ZC3H12D: variants seen among roughly 807,000 people sequenced by gnomAD.
ZC3H12D encodes the protein probable ribonuclease ZC3H12D.
A neutral mutation model predicts 24.2 loss-of-function variants in ZC3H12D; 11 were observed. The observed-to-expected ratio is 0.46, with a 90% CI of 0.29 to 0.75. ZC3H12D has a LOEUF of 0.75. ZC3H12D is among the 30% of genes least tolerant of loss of function. The pLI is 0.11. For synonymous variants in ZC3H12D, 333 were observed against 341.8 expected (o/e 0.97, Z 0.28); for missense variants, 740 against 767.7 (o/e 0.96, Z 0.43).
chr6:149,449,746 T>C lies in ZC3H12D; in HGVS notation c.*937A>G, dbSNP rs1775852592. ...GAGCCACCATGCCGGGCCGAGACTCTGTCTGTTTAAAAAAAGAAGAAGAAG... is the reference window on the plus strand; with the variant it reads ...GAGCCACCATGCCGGGCCGAGACTCCGTCTGTTTAAAAAAAGAAGAAGAAG... On this transcript the variant is annotated 3_prime_UTR_variant, in exon 6 of 6. Coordinates refer to ENST00000409806, the MANE Select transcript of ZC3H12D (RefSeq NM_207360.3). 1 of 152,130 alleles carries C rather than the reference T, an allele frequency of 6.6e-6. No individual in the cohort carries two copies. Among genetic ancestry groups the C allele is most frequent in the Non-Finnish European group, 1.5e-5 (1 of 68,052 alleles). The allele number at this position is 152,130 out of a possible 1,614,324, so 9.4% of individuals were successfully genotyped here. A position where few individuals can be genotyped will look rare whatever the true frequency, so the allele number is the denominator to read the frequency against.
chr6:149,479,294 G>C (rs1776387652), intron 1 of ZC3H12D, among the ~76,000 whole-genome samples: 1 of 152,232 alleles, frequency 6.6e-6, no homozygotes, highest in Non-Finnish European at 1.5e-5. Context: ...CCAGGAGGTT[G>C]AGGCTGCAGT....
intron 4 of ZC3H12D, among the ~76,000 whole-genome samples, chr6:149,454,976 A>G (rs1775956480): frequency 6.6e-6 from 1 of 152,224 alleles, no homozygotes; most frequent in Admixed American, 6.5e-5. Flanking sequence ...ATGTCCTGGG[A>G]ATAGCTGCTA....
rs1775906555 is a variant in ZC3H12D at position 149,452,013 on chromosome 6, C to G, written c.788-534G>C. On this transcript the variant is annotated intron_variant, in intron 5 of 5. Transcript: ENST00000409806. This position sits in a 1 kb window ranked among gnomAD's most constrained non-coding sequence, Gnocchi z 4.0. ...TGAACAAATGGTCAAGTGTTACTAT[C>G]CAAACCCAAGGCTTCTGAGAGTGAA... The G allele has an allele frequency of 6.5e-6, 1 of 153,194 alleles. No homozygotes were observed. Among genetic ancestry groups the G allele is most frequent in the South Asian group, 2.1e-4 (1 of 4,856 alleles). The allele number at this position is 153,194 out of a possible 1,614,324, so 9.5% of individuals were successfully genotyped here. A position where few individuals can be genotyped will look rare whatever the true frequency, so the allele number is the denominator to read the frequency against.
chr6:149,482,216 T>C (rs1004688722), intron 1 of ZC3H12D, among the ~76,000 whole-genome samples: 11 of 152,246 alleles, frequency 7.2e-5, no homozygotes, highest in African/African-American at 2.4e-4. Context: ...GGTTCCTTTT[T>C]AAAACTTCTA....
chr6:149,472,818 T>C lies in ZC3H12D; in HGVS notation c.305+1421A>G, dbSNP rs74830352. Among the ~76,000 whole-genome samples the C allele has an allele frequency of 2.8e-4, 42 of 152,268 alleles. 3 individuals carry two copies. In the East Asian group the frequency reaches 8.1e-3, roughly 29 times the overall value. On this transcript the variant is annotated intron_variant, in intron 2 of 5. Transcript: ENST00000409806. Reference sequence around the variant, plus strand: ...GCTGGGAAGGTCTTTGATTTAAGCATTCAAAGCCTTCCTTCTATGGAAGCC... The same window carrying C: ...GCTGGGAAGGTCTTTGATTTAAGCACTCAAAGCCTTCCTTCTATGGAAGCC...
chr6:149,467,578 A>G (rs2115008711), intron 2 of ZC3H12D, among the ~76,000 whole-genome samples: 1 of 152,294 alleles, frequency 6.6e-6, no homozygotes, highest in South Asian at 2.1e-4. Context: ...TAAGATCTGT[A>G]GAGGGTTCTG....
Position 149,447,633 on chromosome 6 carries a change from T to TA in ZC3H12D, c.*3049dup, listed in dbSNP as rs1303069434. On this transcript the variant is annotated 3_prime_UTR_variant, in exon 6 of 6. Coordinates refer to ENST00000409806, the MANE Select transcript of ZC3H12D (RefSeq NM_207360.3). ...TTGACAATAAAGAATCCAGGTGTGGTAAAAAATGATTTATTTTTGAAGCAT... is the reference window on the plus strand; with the variant it reads ...TTGACAATAAAGAATCCAGGTGTGGTAAAAAAATGATTTATTTTTGAAGCAT... The TA allele has an allele frequency of 3.3e-5, 5 of 152,170 alleles. No individual in the cohort carries two copies. Among genetic ancestry groups the TA allele is most frequent in the African/African-American group, 4.8e-5 (2 of 41,446 alleles). 9.4% of individuals were successfully genotyped at this position (152,170 alleles called of 1,614,324 possible).
At chr6:149,469,445 G>A (rs1009555549) in intron 2 of ZC3H12D, among the ~76,000 whole-genome samples, 8 of 151,786 alleles carry the variant, frequency 5.3e-5, no homozygotes, top group Admixed American at 1.3e-4. Flanking sequence ...GCGACAGAGC[G>A]AGACTCCATC....
intron 4 of ZC3H12D, among the ~76,000 whole-genome samples, chr6:149,455,193 C>G (rs898016690): frequency 6.6e-6 from 1 of 152,208 alleles, no homozygotes. Flanking sequence ...CACTGTGTCC[C>G]TGGGTCCAGA....
intron 1 of ZC3H12D, among the ~76,000 whole-genome samples, chr6:149,475,318 C>T (rs1027623094): frequency 3.3e-5 from 5 of 152,224 alleles, no homozygotes; most frequent in African/African-American, 9.6e-5. Flanking sequence ...TGCCCCCGGG[C>T]GAATTCTACT....
At chr6:149,455,619 C>A (rs1268957985) in intron 4 of ZC3H12D, among the ~76,000 whole-genome samples, 6 of 152,132 alleles carry the variant, frequency 3.9e-5, no homozygotes, top group Non-Finnish European at 8.8e-5. Context: ...CCAGCCATAG[C>A]CGGTTGGTCT....
intron 1 of ZC3H12D, among the ~76,000 whole-genome samples, chr6:149,480,535 C>T (rs62441728): frequency 6.6e-6 from 1 of 152,090 alleles, no homozygotes; most frequent in African/African-American, 2.4e-5. Flanking sequence ...GAAGCCCAAG[C>T]AGACCAGCCT....
Position 149,452,458 on chromosome 6 carries a change from G to C in ZC3H12D, c.787+158C>G, listed in dbSNP as rs1417232070. ...AGGATGTCAGTTCTACAATAACCCT[G>C]TCAGGAAAGTTAACTCTCCAGGTAG... On this transcript the variant is annotated intron_variant, in intron 5 of 5. Transcript: ENST00000409806. This position sits in a 1 kb window ranked among gnomAD's most constrained non-coding sequence, Gnocchi z 4.0. 1 of 558,090 alleles carries C rather than the reference G, an allele frequency of 1.8e-6. No individual in the cohort carries two copies. The highest frequency in any genetic ancestry group is 2.0e-5 in the African/African-American group (1 of 50,916). 34.6% of individuals were successfully genotyped at this position (558,090 alleles called of 1,614,324 possible).
At position 149,452,585 on chromosome 6, in the gene ZC3H12D, C is replaced by G. The variant is rs1001242; in HGVS notation, c.787+31G>C. 249,391 of 1,485,654 alleles carry G rather than the reference C, an allele frequency of 0.17. 29,070 individuals carry two copies. The highest frequency in any genetic ancestry group is 0.67 in the East Asian group (27,953 of 41,578). 92.0% of individuals were successfully genotyped at this position (1,485,654 alleles called of 1,614,324 possible). ...TACTGCCCCCACACAAGGCCCTGAA[C>G]AGGGCCTGCGAAGCACTGGGCCCTA... On this transcript the variant is annotated intron_variant, in intron 5 of 5. Coordinates refer to ENST00000409806, the MANE Select transcript of ZC3H12D (RefSeq NM_207360.3). This position sits in a 1 kb window ranked among gnomAD's most constrained non-coding sequence, Gnocchi z 4.0.
chr6:149,472,326 ATG>A (rs1562476742), intron 2 of ZC3H12D, among the ~76,000 whole-genome samples: 1 of 151,856 alleles, frequency 6.6e-6, no homozygotes, highest in African/African-American at 2.4e-5. Flanking sequence ...GAGGGAGGGG[ATG>A]TGTGTGTGTA....
At position 149,474,335 on chromosome 6, in the gene ZC3H12D, G is replaced by A. The variant is rs116340837; in HGVS notation, c.209C>T (p.Ala70Val). 6.5e-4 allele frequency: 1,035 copies of A among 1,601,512 alleles called. 6 individuals carry two copies. In the African/African-American group the frequency reaches 0.012, roughly 19 times the overall value. The part of the protein sequence containing the change: ...PRGSCGVPDS[A>V]QRGPGTALEE... ...CAGGGCTGTCCCCGGGCCACGCTGGGCAGAGTCCGGGACCCCACAGGAGCC... is the reference window on the plus strand; with the variant it reads ...CAGGGCTGTCCCCGGGCCACGCTGGACAGAGTCCGGGACCCCACAGGAGCC... The change falls in exon 2 of 6, where the codon GCC becomes GTC. Residue 70 changes from alanine (A) to valine (V), a missense_variant. Ala to Val is a moderately conservative substitution (Grantham distance 64). Transcript: ENST00000409806.
Position 149,456,627 on chromosome 6 carries a change from C to CCCCCCCCCCCCCGGGGT in ZC3H12D, c.680+38_680+39insACCCCGGGGGGGGGGGG. 16 of 1,403,048 alleles carry CCCCCCCCCCCCCGGGGT rather than the reference C, an allele frequency of 1.1e-5. No individual in the cohort carries two copies. The highest frequency in any genetic ancestry group is 1.4e-5 in the African/African-American group (1 of 70,992). 86.9% of individuals were successfully genotyped at this position (1,403,048 alleles called of 1,614,324 possible). A position where few individuals can be genotyped will look rare whatever the true frequency, so the allele number is the denominator to read the frequency against. On this transcript the variant is annotated intron_variant, in intron 4 of 5. Transcript: ENST00000409806. The surrounding 1 kb of genome is among the most constrained non-coding windows in gnomAD (Gnocchi z 4.3). ...CTGCCTCGACCCCGGCCCCCCGCCC[C>CCCCCCCCCCCCCGGGGT]GCCGCCCCCCAGGGTGTCAGGACCC...
chr6:149,480,548 C>T (rs1776408014), intron 1 of ZC3H12D, among the ~76,000 whole-genome samples: 1 of 152,160 alleles, frequency 6.6e-6, no homozygotes, highest in Admixed American at 6.5e-5. Context: ...ACCAGCCTGA[C>T]CAACGTGGAG....
At position 149,474,621 on chromosome 6, in the gene ZC3H12D, GA is replaced by G. The variant is rs201565217; in HGVS notation, c.-70-9del. ...GAGCCCTGCAGACATGAGCTAAAGAGAAAAAAAATGCATCCATCAGGTGTTT... is the reference window on the plus strand; with the variant it reads ...GAGCCCTGCAGACATGAGCTAAAGAGAAAAAAATGCATCCATCAGGTGTTT... On this transcript the variant is annotated splice_polypyrimidine_tract_variant and intron_variant, in intron 1 of 5. Coordinates refer to ENST00000409806, the MANE Select transcript of ZC3H12D (RefSeq NM_207360.3). 224 of 1,286,606 alleles carry G rather than the reference GA, an allele frequency of 1.7e-4. No individual in the cohort carries two copies. The East Asian group carries it at 4.2e-3, about 24-fold the overall frequency. 79.7% of individuals were successfully genotyped at this position (1,286,606 alleles called of 1,614,324 possible). A position where few individuals can be genotyped will look rare whatever the true frequency, so the allele number is the denominator to read the frequency against.
Sources: allele counts gnomAD v4.1 joint callset (sites outside exome capture counted in the v4.1 genomes callset), GRCh38; gene constraint gnomAD v4.1.1; non-coding constraint Gnocchi (gnomAD v3.1); transcripts MANE v1.5; gene names NCBI Gene and HGNC (gene_info 2026-07-23, HGNC 2026-07-21).